Variants in SYK observed in about 807,000 individuals in gnomAD.
SYK encodes the protein tyrosine-protein kinase SYK.
In SYK, 16 loss-of-function variants were observed where a neutral mutation model predicts 77.8. The ratio of observed to expected loss-of-function variants is 0.21; its 90% CI spans 0.14 to 0.31. The LOEUF is 0.31. SYK is among the 10% of genes least tolerant of loss of function. The pLI is 1.00. For missense variants in SYK, 529 were observed against 814.4 expected, an observed-to-expected ratio of 0.65 and a Z score of 4.26; for synonymous variants, 312 against 308.7, an observed-to-expected ratio of 1.01 and a Z score of -0.11.
At chr9:90,876,451 A>G (rs1028946590) in intron 9 of SYK, among the ~76,000 whole-genome samples, 1 of 151,358 alleles carries the variant, frequency 6.6e-6, no homozygotes, top group Non-Finnish European at 1.5e-5. Flanking sequence ...ACAAGTATAT[A>G]CATGCGCACA....
rs200271297 is a variant in SYK at position 90,896,531 on chromosome 9, G to C, written c.*931G>C. The C allele has an allele frequency of 1.2e-3, 277 of 232,618 alleles. 4 individuals are homozygous for C. In the East Asian group the frequency reaches 0.017, roughly 14 times the overall value. The allele number at this position is 232,618 out of a possible 1,614,324, so 14.4% of individuals were successfully genotyped here. On this transcript the variant is annotated 3_prime_UTR_variant, in exon 14 of 14. Coordinates refer to ENST00000375754, the MANE Select transcript of SYK (RefSeq NM_003177.7). ...CCCTGTCGCTTTCTGTGTCTGCAAT[G>C]GGGGGCAGCACAGGGATCAAAGCCA...
At chr9:90,827,204 A>G (rs1372777797) in intron 1 of SYK, among the ~76,000 whole-genome samples, 3 of 152,164 alleles carry the variant, frequency 2.0e-5, no homozygotes. Flanking sequence ...CTGGCTAAGC[A>G]CTAAATGGCA....
In SYK at chr9:90,875,860, A is replaced by G. The variant is rs537223754; in HGVS notation, c.1181+1011A>G. 3.3e-5 allele frequency among the ~76,000 whole-genome samples: 5 copies of G among 152,354 alleles called. No homozygotes were observed. The East Asian group carries it at 9.6e-4, about 29-fold the overall frequency. On this transcript the variant is annotated intron_variant, in intron 9 of 13. Transcript: ENST00000375754. ...CCTCTGTTTGAATTGGTATGATACT[A>G]ATATGAATGTGGTTAGATTTAGTAG...
intron 3 of SYK, among the ~76,000 whole-genome samples, chr9:90,857,920 G>A (rs893062354): frequency 4.8e-5 from 7 of 146,510 alleles, no homozygotes; most frequent in Non-Finnish European, 1.0e-4. Flanking sequence ...CAACTGACCC[G>A]GTGATACTCT....
chr9:90,830,503 G>A (rs911534103), intron 1 of SYK, among the ~76,000 whole-genome samples: 2 of 151,956 alleles, frequency 1.3e-5, no homozygotes, highest in Non-Finnish European at 2.9e-5. Flanking sequence ...CTCTTCCTTG[G>A]TCATTTCTCT....
At chr9:90,866,214 T>C (rs568569025) in intron 6 of SYK, among the ~76,000 whole-genome samples, 2 of 152,346 alleles carry the variant, frequency 1.3e-5, no homozygotes, top group South Asian at 4.1e-4. Context: ...GGACTTTTTA[T>C]GCCCTTTAAT....
At chr9:90,817,909 G>GAA (rs1825354357) in intron 1 of SYK, among the ~76,000 whole-genome samples, 1 of 151,622 alleles carries the variant, frequency 6.6e-6, no homozygotes, top group African/African-American at 2.4e-5. Flanking sequence ...GAGAGAGAGA[G>GAA]GGTGAAAGAG....
At chr9:90,832,742 A>G (rs1046126585) in intron 1 of SYK, among the ~76,000 whole-genome samples, 4 of 152,186 alleles carry the variant, frequency 2.6e-5, no homozygotes, top group African/African-American at 9.7e-5. Context: ...GCCCAACTCC[A>G]TTGCACATGC....
At chr9:90,879,095 A>G (rs1182022986) in intron 11 of SYK, 142 bp downstream of exon 11, 4 of 574,474 alleles carry the variant, frequency 7.0e-6, no homozygotes, top group East Asian at 2.8e-5. Context: ...ATGTTCTTAT[A>G]ATCTTTGATT....
At chr9:90,881,331 A>C (rs1828140927) in intron 11 of SYK, among the ~76,000 whole-genome samples, 1 of 152,224 alleles carries the variant, frequency 6.6e-6, no homozygotes. Flanking sequence ...AACTACCGAA[A>C]AGATAGGGTA....
At chr9:90,880,661 T>C (rs1323565576) in intron 11 of SYK, among the ~76,000 whole-genome samples, 1 of 152,196 alleles carries the variant, frequency 6.6e-6, no homozygotes, top group African/African-American at 2.4e-5. Context: ...CACTGCTGTA[T>C]AACAAATCAC....
chr9:90,890,820 G>A (rs902740670), intron 13 of SYK, among the ~76,000 whole-genome samples: 5 of 152,224 alleles, frequency 3.3e-5, no homozygotes, highest in African/African-American at 9.7e-5. Flanking sequence ...TTTGTCTGGG[G>A]TAATACCTGA....
chr9:90,843,538 T>C (rs1826455718), intron 1 of SYK, among the ~76,000 whole-genome samples: 1 of 152,226 alleles, frequency 6.6e-6, no homozygotes, highest in Non-Finnish European at 1.5e-5. Flanking sequence ...TGTTTTGCAA[T>C]AGCCCTTCTG....
chr9:90,890,207 A>T lies in SYK; in HGVS notation c.1835+1580A>T, dbSNP rs531197497. ...TGCGCAGCCAGGGGCACCACCTCCC[A>T]CTTGGCTCCCAGGTGGGTGCAGTGA... On this transcript the variant is annotated intron_variant, in intron 13 of 13. Coordinates refer to ENST00000375754, the MANE Select transcript of SYK (RefSeq NM_003177.7). Among the ~76,000 whole-genome samples the T allele has an allele frequency of 2.0e-5, 3 of 152,304 alleles. No homozygotes were observed. The South Asian group carries it at 6.2e-4, about 32-fold the overall frequency.
intron 4 of SYK, among the ~76,000 whole-genome samples, chr9:90,862,788 T>G (rs1350157382): frequency 6.6e-6 from 1 of 152,000 alleles, no homozygotes; most frequent in African/African-American, 2.4e-5. Context: ...ACACACAAAA[T>G]AAAGGAATGG....
At chr9:90,839,459 G>A (rs937208847) in intron 1 of SYK, among the ~76,000 whole-genome samples, 6 of 152,060 alleles carry the variant, frequency 3.9e-5, no homozygotes, top group East Asian at 3.9e-4. Context: ...TGTCCCTGGC[G>A]TGTGCCTGGA....
chr9:90,812,359 A>C (rs1825114930), intron 1 of SYK, among the ~76,000 whole-genome samples: 1 of 152,198 alleles, frequency 6.6e-6, no homozygotes, highest in Non-Finnish European at 1.5e-5. Flanking sequence ...TCTGTCCTCC[A>C]ATGAAGAGCG....
intron 7 of SYK, among the ~76,000 whole-genome samples, chr9:90,873,777 T>C (rs1827823615): frequency 6.6e-6 from 1 of 152,202 alleles, no homozygotes; most frequent in African/African-American, 2.4e-5. Context: ...GAGTACTAAT[T>C]TTCCTCTTTA....
chr9:90,848,073 T>A (rs1425633134), intron 3 of SYK, among the ~76,000 whole-genome samples: 1 of 151,920 alleles, frequency 6.6e-6, no homozygotes, highest in African/African-American at 2.4e-5. Context: ...ATACTGTGAG[T>A]GTTTGAATAT....
Sources: gnomAD v4.1 joint callset for allele counts (sites outside exome capture counted in the v4.1 genomes callset) on GRCh38, gnomAD v4.1.1 for gene constraint, MANE v1.5 for transcripts, NCBI Gene and HGNC (gene_info 2026-07-23, HGNC 2026-07-21) for gene names.